SNX30: variants seen among roughly 807,000 people sequenced by gnomAD.
SNX30 encodes sorting nexin family member 30.
In SNX30, 24 loss-of-function variants were observed where a neutral mutation model predicts 46.4. That is an observed-to-expected ratio of 0.52 (90% CI 0.37 to 0.73). The LOEUF is 0.73. Among genes scored for constraint, SNX30 ranks in the 30% least tolerant of loss-of-function variants. The pLI, the probability that SNX30 is intolerant of heterozygous loss-of-function variation, is 0.00. For synonymous variants in SNX30, 189 were observed against 211.5 expected (o/e 0.89, Z 0.92); for missense variants, 533 against 555.7 (o/e 0.96, Z 0.41).
In SNX30 at chr9:112,832,459, A is replaced by T. The variant is rs9644928; in HGVS notation, c.618+1576A>T. On this transcript the variant is annotated intron_variant, in intron 4 of 8. Transcript: ENST00000374232. ...GAGAGAGAGAGAGAGAGAGAGAGAG[A>T]GTGTGTGTGTGTGTGTGTGTGTGTG... Among the ~76,000 whole-genome samples, 351 of 111,234 alleles carry T rather than the reference A, an allele frequency of 3.2e-3. 2 individuals are homozygous for T. The highest frequency in any genetic ancestry group is 0.013 in the African/African-American group (316 of 25,018). 73.0% of individuals were successfully genotyped at this position (111,234 alleles called of 152,430 possible).
At chr9:112,789,137 G>A (rs934160170) in intron 1 of SNX30, among the ~76,000 whole-genome samples, 1 of 152,062 alleles carries the variant, frequency 6.6e-6, no homozygotes. Context: ...CTCTTTGTTC[G>A]TGCCCTCTGG....
At chr9:112,825,882 G>C (rs1840572830) in intron 3 of SNX30, among the ~76,000 whole-genome samples, 1 of 152,078 alleles carries the variant, frequency 6.6e-6, no homozygotes. Context: ...GTCCCGTAAG[G>C]AATCTTGAAA....
chr9:112,792,250 T>G (rs1840037891), intron 1 of SNX30, among the ~76,000 whole-genome samples: 1 of 152,178 alleles, frequency 6.6e-6, no homozygotes, highest in Non-Finnish European at 1.5e-5. Context: ...TGTTTAGGTT[T>G]TTTCTCTCTA....
chr9:112,864,366 G>T lies in SNX30; in HGVS notation c.1221G>T (p.Gly407=), dbSNP rs765452881. 6.2e-7 allele frequency: 1 copy of T among 1,614,242 alleles called. No individual in the cohort carries two copies. Among genetic ancestry groups the T allele is most frequent in the Non-Finnish European group, 8.5e-7 (1 of 1,180,044 alleles). ...AGGACTTCCGGCAGCTACTCATGGGGATGGCTGACAAGAACATCCAGTATT... is the reference window on the plus strand; with the variant it reads ...AGGACTTCCGGCAGCTACTCATGGGTATGGCTGACAAGAACATCCAGTATT... ...KRQDFRQLLM[G]MADKNIQYYE... Residue 407 remains glycine, a synonymous_variant, in exon 8 of 9, where the codon GGG becomes GGT. Transcript: ENST00000374232.
rs756659011 is a variant in SNX30, at chr9:112,851,138, C to T, written c.1101+193C>T. The stretch of plus-strand genomic sequence containing the variant: ...TAGTGTTCACTTGGGATTGAGTTTT[C>T]CACTGTTTCCTGGGCCTAATTTTTG... On this transcript the variant is annotated intron_variant, in intron 7 of 8. Coordinates refer to ENST00000374232, the MANE Select transcript of SNX30 (RefSeq NM_001012994.2). Among the ~76,000 whole-genome samples the T allele has an allele frequency of 3.9e-5, 6 of 152,170 alleles. No individual in the cohort carries two copies. The South Asian group carries it at 1.2e-3, about 32-fold the overall frequency.
At chr9:112,791,260 A>G (rs1413901997) in intron 1 of SNX30, among the ~76,000 whole-genome samples, 2 of 152,008 alleles carry the variant, frequency 1.3e-5, no homozygotes, top group Non-Finnish European at 2.9e-5. Flanking sequence ...GTCTCTCAGG[A>G]TTTGCCTGTT....
chr9:112,819,266 C>CTT (rs35138610), intron 3 of SNX30, among the ~76,000 whole-genome samples: 66,404 of 116,908 alleles, frequency 0.57, 19,167 homozygotes, highest in South Asian at 0.74. Flanking sequence ...TTCTTTCTTT[C>CTT]TTTTTTTTTT....
At chr9:112,820,988 G>A (rs149880903) in intron 3 of SNX30, among the ~76,000 whole-genome samples, 1 of 152,232 alleles carries the variant, frequency 6.6e-6, no homozygotes, top group Admixed American at 6.5e-5. Flanking sequence ...TGCTGTGAGC[G>A]TTCATGTACA....
intron 2 of SNX30, among the ~76,000 whole-genome samples, chr9:112,806,464 C>T (rs1280089084): frequency 6.6e-6 from 1 of 151,824 alleles, no homozygotes; most frequent in Non-Finnish European, 1.5e-5. Flanking sequence ...TTATGGAAGG[C>T]ATTAAGAGAA....
Position 112,870,564 on chromosome 9 carries a change from A to G in SNX30, c.*1721A>G, listed in dbSNP as rs1489197831. 1 of 152,280 alleles carries G rather than the reference A, an allele frequency of 6.6e-6. No homozygotes were observed. The highest frequency in any genetic ancestry group is 2.4e-5 in the African/African-American group (1 of 41,478). 9.4% of individuals were successfully genotyped at this position (152,280 alleles called of 1,614,324 possible). A position where few individuals can be genotyped will look rare whatever the true frequency, so the allele number is the denominator to read the frequency against. On this transcript the variant is annotated 3_prime_UTR_variant, in exon 9 of 9. Transcript: ENST00000374232. Reference sequence around the variant, plus strand: ...TTAAACCCTATTTGTGCCATTCTCAAGTCCTTTGATGTGAATTTTCAGTTT... The same window carrying G: ...TTAAACCCTATTTGTGCCATTCTCAGGTCCTTTGATGTGAATTTTCAGTTT...
At chr9:112,868,454 C>T (rs1214335117) in intron 8 of SNX30, among the ~76,000 whole-genome samples, 1 of 152,170 alleles carries the variant, frequency 6.6e-6, no homozygotes, top group South Asian at 2.1e-4. Flanking sequence ...CAGGGGTTTC[C>T]TGCTTGGGCT....
downstream of SNX30, chr9:112,877,048 A>G (rs902657076): frequency 6.6e-6 from 1 of 152,146 alleles, no homozygotes; most frequent in Admixed American, 6.5e-5. Context: ...TGAGACACCA[A>G]TTGTTGAGCC....
intron 1 of SNX30, among the ~76,000 whole-genome samples, chr9:112,788,457 T>A (rs1446969965): frequency 6.6e-6 from 1 of 152,102 alleles, no homozygotes; most frequent in East Asian, 1.9e-4. Context: ...TTAAGAGGAA[T>A]TGGGCGAAGG....
At chr9:112,819,407 C>T (rs1008060032) in intron 3 of SNX30, among the ~76,000 whole-genome samples, 1 of 151,964 alleles carries the variant, frequency 6.6e-6, no homozygotes, top group Non-Finnish European at 1.5e-5. Context: ...GCTGGGATTA[C>T]AGGTGCACAC....
chr9:112,811,791 T>C (rs1429497526), intron 2 of SNX30, among the ~76,000 whole-genome samples: 1 of 152,206 alleles, frequency 6.6e-6, no homozygotes, highest in Non-Finnish European at 1.5e-5. Context: ...ATGTAGTGGT[T>C]GTCTCTGATT....
rs1329136648 is a variant in SNX30, at chr9:112,845,609, TCTC to T, written c.1015-5247_1015-5245del. ...GAAAGATTAGTGATGTTGAGACTCTTCTCCTGCTTGACTCTCAGCCTTAGATCT... is the reference window on the plus strand; with the variant it reads ...GAAAGATTAGTGATGTTGAGACTCTTCTGCTTGACTCTCAGCCTTAGATCT... On this transcript the variant is annotated intron_variant, in intron 6 of 8. Coordinates refer to ENST00000374232, the MANE Select transcript of SNX30 (RefSeq NM_001012994.2). Among the ~76,000 whole-genome samples the T allele has an allele frequency of 2.6e-5, 4 of 152,228 alleles. No individual in the cohort carries two copies. In the East Asian group the frequency reaches 7.7e-4, roughly 29 times the overall value.
intron 1 of SNX30, among the ~76,000 whole-genome samples, chr9:112,752,268 G>A (rs1056682005): frequency 6.6e-6 from 1 of 152,064 alleles, no homozygotes. Flanking sequence ...TTCTGCAGAG[G>A]GTTTGTGAAA....
chr9:112,856,120 A>G (rs1309455107), intron 7 of SNX30, among the ~76,000 whole-genome samples: 1 of 152,112 alleles, frequency 6.6e-6, no homozygotes, highest in Admixed American at 6.5e-5. Context: ...TGCCAGGGAG[A>G]AGGCTTCACA....
intron 7 of SNX30, among the ~76,000 whole-genome samples, chr9:112,854,050 A>G (rs766356548): frequency 3.3e-5 from 5 of 152,240 alleles, no homozygotes; most frequent in Non-Finnish European, 5.9e-5. Context: ...GCATCTGTAC[A>G]AGCTCAGCAC....
Sources: gnomAD v4.1 joint callset for allele counts (sites outside exome capture counted in the v4.1 genomes callset) on GRCh38, gnomAD v4.1.1 for gene constraint, MANE v1.5 for transcripts, NCBI Gene and HGNC (gene_info 2026-07-23, HGNC 2026-07-21) for gene names.